RBFOX1: variants seen among roughly 807,000 people sequenced by gnomAD.
RBFOX1 encodes the protein RNA binding fox-1 homolog 1.
RBFOX1 carries 8 observed loss-of-function variants against 57.7 expected under a neutral mutation model. That is an observed-to-expected ratio of 0.14 (90% confidence interval 0.08 to 0.25). The LOEUF is 0.25. Among genes scored for constraint, RBFOX1 ranks in the 10% least tolerant of loss-of-function variants. The pLI, the probability that RBFOX1 is intolerant of heterozygous loss-of-function variation, is 1.00. For missense variants in RBFOX1, 611 were observed against 548.5 expected (o/e 1.11, Z -1.14); for synonymous variants, 326 against 222.4 (o/e 1.47, Z -4.15).
chr16:5,681,888 G>A (rs75922547), intron 3 of RBFOX1, among the ~76,000 whole-genome samples: 2,935 of 152,164 alleles, frequency 0.019, 89 homozygotes, highest in African/African-American at 0.067. Flanking sequence ...GAATATGAGT[G>A]GTCTGAGATG....
chr16:6,261,915 A>AGATACTTG (rs1461694312), intron 1 of RBFOX1, among the ~76,000 whole-genome samples: 1 of 152,160 alleles, frequency 6.6e-6, no homozygotes, highest in African/African-American at 2.4e-5. Context: ...CGATAATCCC[A>AGATACTTG]GATACTTGGG....
At chr16:5,423,890 T>C (rs1404527186) in intron 1 of RBFOX1, among the ~76,000 whole-genome samples, 1 of 152,190 alleles carries the variant, frequency 6.6e-6, no homozygotes, top group African/African-American at 2.4e-5. Flanking sequence ...TGTTCAAGCA[T>C]CTCAGAGTAG....
At chr16:7,199,766 C>T (rs1188839675) in intron 4 of RBFOX1, among the ~76,000 whole-genome samples, 1 of 152,100 alleles carries the variant, frequency 6.6e-6, no homozygotes, top group Non-Finnish European at 1.5e-5. Flanking sequence ...TGGTGGCAGG[C>T]ACCTTTAATC....
intron 1 of RBFOX1, among the ~76,000 whole-genome samples, chr16:6,158,705 A>G (rs2096856051): frequency 2.0e-5 from 3 of 152,160 alleles, no homozygotes; most frequent in Admixed American, 1.3e-4. Context: ...ACCTGAAGAC[A>G]TTTTGCTGTG....
At chr16:6,593,804 G>C (rs544099923) in intron 2 of RBFOX1, among the ~76,000 whole-genome samples, 14 of 152,324 alleles carry the variant, frequency 9.2e-5, no homozygotes, top group Admixed American at 3.3e-4. Context: ...GCATATGTCA[G>C]ATTTTCAATG....
chr16:6,494,992 C>G (rs1409348750), intron 2 of RBFOX1, among the ~76,000 whole-genome samples: 4 of 152,242 alleles, frequency 2.6e-5, no homozygotes, highest in African/African-American at 9.6e-5. Flanking sequence ...GGAGGAAACA[C>G]CAAGCACAAA....
chr16:6,124,387 T>C (rs944998133), intron 1 of RBFOX1, among the ~76,000 whole-genome samples: 3 of 152,202 alleles, frequency 2.0e-5, no homozygotes, highest in African/African-American at 7.2e-5. Context: ...CTTTGTATTG[T>C]AGGATTTGAT....
chr16:7,012,676 A>C (rs2093708822), intron 3 of RBFOX1, among the ~76,000 whole-genome samples: 1 of 152,204 alleles, frequency 6.6e-6, no homozygotes, highest in Non-Finnish European at 1.5e-5. Context: ...ATTAATTTTA[A>C]GCTGACTTTA....
chr16:7,536,714 T>C (rs555532830), intron 5 of RBFOX1, among the ~76,000 whole-genome samples: 1 of 152,366 alleles, frequency 6.6e-6, no homozygotes, highest in East Asian at 1.9e-4. Flanking sequence ...AAGCCAGCTC[T>C]TAATGGCCTG....
chr16:5,295,849 G>T (rs918404946), intron 1 of RBFOX1, among the ~76,000 whole-genome samples: 1 of 152,302 alleles, frequency 6.6e-6, no homozygotes, highest in East Asian at 1.9e-4. Context: ...GAGGCATCTG[G>T]TTGCCATAGT....
chr16:6,965,619 G>A (rs961920690), intron 3 of RBFOX1, among the ~76,000 whole-genome samples: 2 of 152,226 alleles, frequency 1.3e-5, no homozygotes. Context: ...TGACAGGCAT[G>A]AGCCACTGCG....
chr16:7,291,918 T>C (rs1000416231), intron 4 of RBFOX1, among the ~76,000 whole-genome samples: 4 of 86,718 alleles, frequency 4.6e-5, no homozygotes, highest in Non-Finnish European at 9.6e-5. Context: ...TTATATATAA[T>C]ATATAATGTA....
intron 3 of RBFOX1, among the ~76,000 whole-genome samples, chr16:6,756,358 A>T (rs2075786753): frequency 6.6e-6 from 1 of 152,178 alleles, no homozygotes; most frequent in African/African-American, 2.4e-5. Flanking sequence ...AATACTATAA[A>T]ACTACTAGAA....
intron 2 of RBFOX1, among the ~76,000 whole-genome samples, chr16:6,605,877 A>T (rs998961067): frequency 1.8e-4 from 28 of 152,274 alleles, no homozygotes; most frequent in African/African-American, 6.0e-4. Flanking sequence ...AGGCGGGTGG[A>T]TCACTTGAGG....
chr16:6,755,201 G>C (rs927025349), intron 3 of RBFOX1, among the ~76,000 whole-genome samples: 26 of 152,166 alleles, frequency 1.7e-4, no homozygotes, highest in Non-Finnish European at 2.8e-4. Flanking sequence ...ATGATTTATA[G>C]TCCTTTGGGT....
chr16:5,323,794 A>G (rs2064481836), intron 1 of RBFOX1, among the ~76,000 whole-genome samples: 1 of 152,220 alleles, frequency 6.6e-6, no homozygotes, highest in African/African-American at 2.4e-5. Flanking sequence ...TTCTGTGAAC[A>G]TCTGCCCATC....
At chr16:7,352,819 G>A (rs2097152041) in intron 4 of RBFOX1, among the ~76,000 whole-genome samples, 1 of 152,058 alleles carries the variant, frequency 6.6e-6, no homozygotes, top group African/African-American at 2.4e-5. Context: ...GGGTTCAGGT[G>A]ATCCTCCCAC....
At chr16:5,996,212 G>A (rs1311922433) in intron 4 of RBFOX1, among the ~76,000 whole-genome samples, 3 of 152,110 alleles carry the variant, frequency 2.0e-5, no homozygotes, top group Non-Finnish European at 2.9e-5. Context: ...ACTGCAAACA[G>A]TGGTCATTTT....
At chr16:5,715,819 A>T (rs1447748213) in intron 3 of RBFOX1, among the ~76,000 whole-genome samples, 1 of 152,194 alleles carries the variant, frequency 6.6e-6, no homozygotes, top group Non-Finnish European at 1.5e-5. Flanking sequence ...TACTGGCCCA[A>T]AGCAAATAGC....
Sources: allele counts gnomAD v4.1 joint callset (sites outside exome capture counted in the v4.1 genomes callset), GRCh38; gene constraint gnomAD v4.1.1; transcripts MANE v1.5; gene names NCBI Gene and HGNC (gene_info 2026-07-23, HGNC 2026-07-21).